Variants in PLPP2 observed in about 807,000 individuals in gnomAD.
The protein encoded by PLPP2 is phospholipid phosphatase 2, also known as PAP2-gamma.
A neutral mutation model predicts 35.2 loss-of-function variants in PLPP2; 29 were observed. The ratio of observed to expected loss-of-function variants is 0.82; its 90% CI spans 0.61 to 1.12. The LOEUF (loss-of-function observed/expected upper bound fraction) is 1.12. PLPP2 is among the 50% of genes most tolerant of loss of function. The pLI, the probability that PLPP2 is intolerant of heterozygous loss-of-function variation, is 0.00. For synonymous variants in PLPP2, 162 were observed against 167.0 expected, an observed-to-expected ratio of 0.97 and a Z score of 0.23; for missense variants, 353 against 375.2, an observed-to-expected ratio of 0.94 and a Z score of 0.49.
In PLPP2 at chr19:288,041, G is replaced by A. The variant is rs749056748; in HGVS notation, c.183C>T (p.Thr61=). 9 of 1,613,328 alleles carry A rather than the reference G, an allele frequency of 5.6e-6. No individual in the cohort carries two copies. In the African/African-American group the frequency reaches 1.2e-4, roughly 22 times the overall value. ...TTACAAGGATGACGGTGGCCGTGATGGTGACCCCAGCCATGAGCCCGTGGG... is the reference window on the plus strand; with the variant it reads ...TTACAAGGATGACGGTGGCCGTGATAGTGACCCCAGCCATGAGCCCGTGGG... The part of the protein sequence containing the change: ...TITHGLMAGV[T]ITATVILVSA... Residue 61 remains threonine, a synonymous_variant, in exon 2 of 6, where the codon ACC becomes ACT. Transcript: ENST00000434325.
In PLPP2 at chr19:281,066, T is replaced by C. The variant is rs1970165221; in HGVS notation, c.*322A>G. On this transcript the variant is annotated 3_prime_UTR_variant, in exon 6 of 6. Coordinates refer to ENST00000434325, the MANE Select transcript of PLPP2 (RefSeq NM_003712.4). ...CGTTTGTGAAACAGGTGCCCTATTT[T>C]ACTAAAAACCACATATACATTACAT... is the stretch of plus-strand genomic sequence containing the variant. 4.7e-6 allele frequency: 1 copy of C among 211,226 alleles called. No individual in the cohort carries two copies. Among genetic ancestry groups the C allele is most frequent in the South Asian group, 1.9e-4 (1 of 5,350 alleles). 13.1% of individuals were successfully genotyped at this position (211,226 alleles called of 1,614,324 possible). A position where few individuals can be genotyped will look rare whatever the true frequency, so the allele number is the denominator to read the frequency against.
chr19:283,062 A>G (rs899639459), intron 3 of PLPP2: 17 of 465,292 alleles, frequency 3.7e-5, no homozygotes, highest in African/African-American at 2.8e-4. Context: ...CCCAGGGCAG[A>G]CAATCATGTC....
intron 5 of PLPP2, 99 bp from the exon 6 acceptor site, chr19:281,636 G>A: frequency 2.6e-6 from 3 of 1,166,884 alleles, no homozygotes; most frequent in Non-Finnish European, 3.5e-6. Context: ...CCAGGTGGGA[G>A]CGAGGGGCCT....
At position 288,064 on chromosome 19, in the gene PLPP2, G is replaced by T; in HGVS notation, c.160C>A (p.His54Asn). Residue 54 changes from histidine to asparagine, a missense_variant, in exon 2 of 6, where the codon CAC (histidine) becomes AAC (asparagine). His to Asn is a moderately conservative substitution (Grantham distance 68, BLOSUM62 1). Transcript: ENST00000434325. ...ATGGTGACCCCAGCCATGAGCCCGT[G>T]GGTGATGGTATCTGGACGGTAGGGG... ...RYPYRPDTIT[H>N]GLMAGVTITA... 6.2e-7 allele frequency: 1 copy of T among 1,613,860 alleles called. No homozygotes were observed.
chr19:291,180 G>C, intron 1 of PLPP2, 105 bp downstream of exon 1: 1 of 1,559,350 alleles, frequency 6.4e-7, no homozygotes, highest in Non-Finnish European at 8.7e-7. Context: ...TCCTCGGAGG[G>C]ACGAGGGCGC....
At position 287,444 on chromosome 19, in the gene PLPP2, C is replaced by A; in HGVS notation, c.482+30G>T. 6.3e-7 allele frequency: 1 copy of A among 1,587,472 alleles called. No homozygotes were observed. Among genetic ancestry groups the A allele is most frequent in the Non-Finnish European group, 8.6e-7 (1 of 1,162,894 alleles). On this transcript the variant is annotated intron_variant, in intron 3 of 5. Coordinates refer to ENST00000434325, the MANE Select transcript of PLPP2 (RefSeq NM_003712.4). The surrounding 1 kb of genome is among the most constrained non-coding windows in gnomAD (Gnocchi z 4.3). ...GGCCTTCTTCAGCTCCCATTCCCCACAAGAGTGAAGGCTGCTGGTCCACAC... is the reference window on the plus strand; with the variant it reads ...GGCCTTCTTCAGCTCCCATTCCCCAAAAGAGTGAAGGCTGCTGGTCCACAC...
chr19:291,233 C>T lies in PLPP2; in HGVS notation c.52+52G>A, dbSNP rs904454533. ...CTGCAAACTTGCGCGCAGCCGGGGG[C>T]GTGTCCGTCCCGGGAGGGTCCCCCC... On this transcript the variant is annotated intron_variant, in intron 1 of 5. Coordinates refer to ENST00000434325, the MANE Select transcript of PLPP2 (RefSeq NM_003712.4). 59 of 1,594,460 alleles carry T rather than the reference C, an allele frequency of 3.7e-5. 1 individual carries two copies. The South Asian group carries it at 6.1e-4, about 16-fold the overall frequency.
chr19:288,875 A>G (rs1466872443), intron 1 of PLPP2, among the ~76,000 whole-genome samples: 1 of 152,154 alleles, frequency 6.6e-6, no homozygotes, highest in Admixed American at 6.5e-5. Flanking sequence ...GCAGATGTTT[A>G]ATAAACATCG....
intron 1 of PLPP2, chr19:290,898 G>A (rs114825402): frequency 0.051 from 61,847 of 1,205,188 alleles, 1,761 homozygotes; most frequent in African/African-American, 0.08. Context: ...AGGCGCGGAC[G>A]TCCTGCCGGG....
At chr19:290,368 T>A (rs1307264637) in intron 1 of PLPP2, among the ~76,000 whole-genome samples, 1 of 152,170 alleles carries the variant, frequency 6.6e-6, no homozygotes, top group Non-Finnish European at 1.5e-5. Context: ...AATGTTTACA[T>A]AAATAACACC....
chr19:283,280 C>T (rs1308911992), intron 3 of PLPP2: 1 of 158,408 alleles, frequency 6.3e-6, no homozygotes, highest in African/African-American at 2.4e-5. Context: ...TACTCAAAAG[C>T]TTGCAGCCAC....
Position 281,262 on chromosome 19 carries a change from G to T in PLPP2, c.*126C>A. 1.0e-6 allele frequency: 1 copy of T among 961,628 alleles called. No homozygotes were observed. Among genetic ancestry groups the T allele is most frequent in the Non-Finnish European group, 1.4e-6 (1 of 731,138 alleles). The allele number at this position is 961,628 out of a possible 1,614,324, so 59.6% of individuals were successfully genotyped here. ...CAGGGGGCAGCGGAGCCCGCTCACT[G>T]CTCCCATCAGCCCAGGGTTCCTGGA... On this transcript the variant is annotated 3_prime_UTR_variant, in exon 6 of 6. Transcript: ENST00000434325.
intron 5 of PLPP2, 119 bp from the exon 6 acceptor site, chr19:281,656 A>T: frequency 1.0e-6 from 1 of 960,842 alleles, no homozygotes; most frequent in Non-Finnish European, 1.5e-6. Context: ...TAGGTGGGAA[A>T]TGAGAGGAGT....
At chr19:284,888 G>A (rs1023567948) in intron 3 of PLPP2, 3 of 152,142 alleles carry the variant, frequency 2.0e-5, no homozygotes, top group African/African-American at 7.2e-5. Flanking sequence ...AGGCAGAGAC[G>A]GGCAGATCAC....
chr19:281,236 G>T lies in PLPP2; in HGVS notation c.*152C>A. 1 of 700,248 alleles carries T rather than the reference G, an allele frequency of 1.4e-6. No homozygotes were observed. Among genetic ancestry groups the T allele is most frequent in the Non-Finnish European group, 2.0e-6 (1 of 498,926 alleles). 43.4% of individuals were successfully genotyped at this position (700,248 alleles called of 1,614,324 possible). ...CTCCAGACTCCTGGTCCAGTGCAGG[G>T]CAGGGGGCAGCGGAGCCCGCTCACT... is the stretch of plus-strand genomic sequence containing the variant. On this transcript the variant is annotated 3_prime_UTR_variant, in exon 6 of 6. Transcript: ENST00000434325.
chr19:291,400 T>A lies in PLPP2; in HGVS notation c.-64A>T. The A allele has an allele frequency of 7.0e-7, 1 of 1,419,248 alleles. No individual in the cohort carries two copies. The highest frequency in any genetic ancestry group is 9.4e-7 in the Non-Finnish European group (1 of 1,067,282). The allele number at this position is 1,419,248 out of a possible 1,614,324, so 87.9% of individuals were successfully genotyped here. ...GTCGCGTCCCGGCCCGGCCGCGGAG[T>A]CACGTGGCGCGGAGCCCGCCCCGCG... On this transcript the variant is annotated 5_prime_UTR_variant, in exon 1 of 6. Coordinates refer to ENST00000434325, the MANE Select transcript of PLPP2 (RefSeq NM_003712.4).
chr19:287,183 T>C lies in PLPP2; in HGVS notation c.482+291A>G. The C allele has an allele frequency of 2.9e-6, 1 of 339,242 alleles. No homozygotes were observed. The highest frequency in any genetic ancestry group is 5.5e-5 in the South Asian group (1 of 18,028). 21.0% of individuals were successfully genotyped at this position (339,242 alleles called of 1,614,324 possible). On this transcript the variant is annotated intron_variant, in intron 3 of 5. Coordinates refer to ENST00000434325, the MANE Select transcript of PLPP2 (RefSeq NM_003712.4). The surrounding 1 kb of genome is among the most constrained non-coding windows in gnomAD (Gnocchi z 4.3). ...AAATTGTTGAGACAAAACTCATATA[T>C]CTCATTCTATGATGATGAAATGGTC... is the stretch of plus-strand genomic sequence containing the variant.
intron 3 of PLPP2, chr19:286,902 C>A (rs1038644281): frequency 6.6e-6 from 1 of 152,294 alleles, no homozygotes; most frequent in Non-Finnish European, 1.5e-5. Flanking sequence ...GAGTCCGAGG[C>A]TGCAGTGAGC....
rs1317143696 is a variant in PLPP2 at position 287,527 on chromosome 19, A to G, written c.429T>C (p.Tyr143=). ...PDWSRVNCSV[Y]VQLEKVCRGN... ...CCCTGCACACCTTCTCCAGCTGCACATAGACCGAGCAGTTGACCCGGCTCC... is the reference window on the plus strand; with the variant it reads ...CCCTGCACACCTTCTCCAGCTGCACGTAGACCGAGCAGTTGACCCGGCTCC... Residue 143 remains tyrosine, a synonymous_variant, in exon 3 of 6, where the codon TAT becomes TAC. Transcript: ENST00000434325. The surrounding 1 kb of genome is among the most constrained non-coding windows in gnomAD (Gnocchi z 4.3). 2 of 1,613,706 alleles carry G rather than the reference A, an allele frequency of 1.2e-6. No individual in the cohort carries two copies. Among genetic ancestry groups the G allele is most frequent in the South Asian group, 1.1e-5 (1 of 91,080 alleles).
Sources: allele counts gnomAD v4.1 joint callset (sites outside exome capture counted in the v4.1 genomes callset), GRCh38; gene constraint gnomAD v4.1.1; non-coding constraint Gnocchi (gnomAD v3.1); transcripts MANE v1.5; gene names NCBI Gene and HGNC (gene_info 2026-07-23, HGNC 2026-07-21).